The following ACER3 variants were observed in gnomAD, a reference collection of about 807,000 sequenced individuals.
The protein encoded by ACER3 is alkCDase 3.
Under a neutral mutation model 48.9 loss-of-function variants are expected in ACER3, and 16 were observed. That is an observed-to-expected ratio of 0.33 (90% CI 0.22 to 0.50). The LOEUF (loss-of-function observed/expected upper bound fraction) is 0.50, where lower values mean the gene tolerates loss of function less well. Among genes scored for constraint, ACER3 ranks in the 20% least tolerant of loss-of-function variants. ACER3 has a pLI of 0.98. For missense variants in ACER3, 227 were observed against 326.0 expected, an observed-to-expected ratio of 0.70 and a Z score of 2.34; for synonymous variants, 109 against 107.8, an observed-to-expected ratio of 1.01 and a Z score of -0.07.
chr11:77,024,624 A>C lies in ACER3; in HGVS notation c.*4297A>C, dbSNP rs1949525257. 6.6e-6 allele frequency: 1 copy of C among 152,248 alleles called. No homozygotes were observed. 9.4% of individuals were successfully genotyped at this position (152,248 alleles called of 1,614,324 possible). ...TAGGCCAGCAGAGCAGCTAAGGAGAAGACAGATCATTCAAGAACTTAAGTC... is the reference window on the plus strand; with the variant it reads ...TAGGCCAGCAGAGCAGCTAAGGAGACGACAGATCATTCAAGAACTTAAGTC... On this transcript the variant is annotated 3_prime_UTR_variant, in exon 11 of 11. Transcript: ENST00000532485.
At chr11:76,922,024 G>A (rs1946696381) in intron 1 of ACER3, among the ~76,000 whole-genome samples, 1 of 152,100 alleles carries the variant, frequency 6.6e-6, no homozygotes. Context: ...TTAAAGCAGA[G>A]AAAAGTAGGA....
At chr11:76,938,713 T>A (rs919468564) in intron 2 of ACER3, among the ~76,000 whole-genome samples, 3 of 152,226 alleles carry the variant, frequency 2.0e-5, no homozygotes, top group African/African-American at 7.2e-5. Context: ...GAAAAAACCC[T>A]GTGGTACTGG....
intron 2 of ACER3, among the ~76,000 whole-genome samples, chr11:76,929,278 A>G (rs1300662399): frequency 1.3e-5 from 2 of 152,148 alleles, no homozygotes. Flanking sequence ...TTATTAGTGT[A>G]TAAGAATGCT....
intron 1 of ACER3, among the ~76,000 whole-genome samples, chr11:76,893,673 A>C (rs1304054872): frequency 6.6e-6 from 1 of 152,158 alleles, no homozygotes; most frequent in African/African-American, 2.4e-5. Flanking sequence ...GAGAGAGAGA[A>C]AATACTTCAT....
intron 1 of ACER3, among the ~76,000 whole-genome samples, chr11:76,874,873 G>A (rs1006054224): frequency 6.6e-6 from 1 of 152,022 alleles, no homozygotes; most frequent in African/African-American, 2.4e-5. Context: ...GATGTTTTCT[G>A]TGGGAGGTTC....
At chr11:76,977,078 T>C (rs1166962281) in intron 4 of ACER3, among the ~76,000 whole-genome samples, 1 of 152,198 alleles carries the variant, frequency 6.6e-6, no homozygotes, top group Non-Finnish European at 1.5e-5. Flanking sequence ...TCTCAACAAC[T>C]ATGCAAGATA....
rs1336295950 is a variant in ACER3, at chr11:77,021,332, A to C, written c.*1005A>C. The stretch of plus-strand genomic sequence containing the variant: ...AATCCTATTTACATAAAGCATATTA[A>C]AATATCTGCTCCTTAATTTTCTGAA... On this transcript the variant is annotated 3_prime_UTR_variant, in exon 11 of 11. Transcript: ENST00000532485. 6.6e-6 allele frequency: 1 copy of C among 152,204 alleles called. No individual in the cohort carries two copies. Among genetic ancestry groups the C allele is most frequent in the African/African-American group, 2.4e-5 (1 of 41,454 alleles). The allele number at this position is 152,204 out of a possible 1,614,324, so 9.4% of individuals were successfully genotyped here.
At chr11:76,928,784 T>C (rs924041211) in intron 2 of ACER3, among the ~76,000 whole-genome samples, 1 of 152,212 alleles carries the variant, frequency 6.6e-6, no homozygotes, top group African/African-American at 2.4e-5. Context: ...TGTGTGGTAT[T>C]ATTTCTGAGG....
intron 1 of ACER3, among the ~76,000 whole-genome samples, chr11:76,893,258 C>G (rs1945851981): frequency 6.6e-6 from 1 of 151,958 alleles, no homozygotes; most frequent in East Asian, 1.9e-4. Context: ...TAGTCCCAGC[C>G]AGTTGGAAGG....
At chr11:76,966,168 G>C (rs1257388846) in intron 3 of ACER3, among the ~76,000 whole-genome samples, 2 of 152,112 alleles carry the variant, frequency 1.3e-5, no homozygotes, top group Non-Finnish European at 2.9e-5. Context: ...CCTAGTCTCT[G>C]ATTAAACAGA....
chr11:76,905,652 C>T (rs1590910651), intron 1 of ACER3, among the ~76,000 whole-genome samples: 2 of 151,872 alleles, frequency 1.3e-5, no homozygotes, highest in East Asian at 3.9e-4. Flanking sequence ...TATTGTTTAA[C>T]AAAAACATAG....
intron 2 of ACER3, among the ~76,000 whole-genome samples, chr11:76,942,491 T>G (rs781487264): frequency 1.3e-5 from 2 of 151,966 alleles, no homozygotes; most frequent in Middle Eastern, 3.2e-3. Context: ...TTGATTTTTG[T>G]ATTTGCATAT....
At chr11:77,009,052 C>T (rs782619798) in intron 7 of ACER3, among the ~76,000 whole-genome samples, 1 of 152,136 alleles carries the variant, frequency 6.6e-6, no homozygotes, top group Non-Finnish European at 1.5e-5. Context: ...AGAGCAAGAC[C>T]CTGTCTCCAA....
intron 1 of ACER3, among the ~76,000 whole-genome samples, chr11:76,884,729 C>T (rs553281285): frequency 6.6e-6 from 1 of 152,174 alleles, no homozygotes; most frequent in East Asian, 1.9e-4. Flanking sequence ...ATTATGATGT[C>T]TTCCAGGTGA....
chr11:76,962,498 C>T (rs1364996586), intron 3 of ACER3, among the ~76,000 whole-genome samples: 6 of 151,220 alleles, frequency 4.0e-5, no homozygotes, highest in African/African-American at 7.4e-5. Context: ...GGAATACAGG[C>T]GTGAGCCACT....
intron 1 of ACER3, among the ~76,000 whole-genome samples, chr11:76,917,456 G>A (rs1048659117): frequency 3.9e-5 from 6 of 152,268 alleles, no homozygotes; most frequent in African/African-American, 1.4e-4. Context: ...GCTCATGCCT[G>A]TAATCCCAGC....
At chr11:76,950,387 AT>A in intron 2 of ACER3, among the ~76,000 whole-genome samples, 1 of 28,522 alleles carries the variant, frequency 3.5e-5, no homozygotes, top group African/African-American at 1.2e-4. Context: ...ATATATATAT[AT>A]ATATATATAT....
Position 76,913,025 on chromosome 11 carries a change from G to T in ACER3, c.104-13532G>T, listed in dbSNP as rs1459236360. Among the ~76,000 whole-genome samples the T allele has an allele frequency of 6.6e-5, 10 of 152,258 alleles. No individual in the cohort carries two copies. In the East Asian group the frequency reaches 1.7e-3, roughly 26 times the overall value. On this transcript the variant is annotated intron_variant, in intron 1 of 10. Coordinates refer to ENST00000532485, the MANE Select transcript of ACER3 (RefSeq NM_018367.7). ...AAATTTGCTTGAAGGAGACCTGAAG[G>T]TCCAAGAGAAGAAAGCAAAAAAACA...
intron 1 of ACER3, among the ~76,000 whole-genome samples, chr11:76,889,010 T>A (rs11606034): frequency 0.4 from 61,367 of 152,072 alleles, 15,151 homozygotes; most frequent in Non-Finnish European, 0.56. Flanking sequence ...TAAAGGCCAG[T>A]GGTCTTCTTG....
Sources: gnomAD v4.1 joint callset for allele counts (sites outside exome capture counted in the v4.1 genomes callset) on GRCh38, gnomAD v4.1.1 for gene constraint, MANE v1.5 for transcripts, NCBI Gene and HGNC (gene_info 2026-07-23, HGNC 2026-07-21) for gene names.